The following HTR6 variants were observed in gnomAD, a reference collection of about 807,000 sequenced individuals.
HTR6 encodes the protein 5-hydroxytryptamine receptor 6.
In HTR6, 15 loss-of-function variants were observed where a neutral mutation model predicts 17.4. That is an observed-to-expected ratio of 0.86 (90% CI 0.58 to 1.33). The LOEUF is 1.33. Among genes scored for constraint, HTR6 ranks in the 40% most tolerant of loss-of-function variants. The pLI is 0.00. For synonymous variants in HTR6, 326 were observed against 295.5 expected, an observed-to-expected ratio of 1.10 and a Z score of -1.06; for missense variants, 578 against 616.0, an observed-to-expected ratio of 0.94 and a Z score of 0.65.
chr1:19,678,455 T>C, intron 1 of HTR6, 112 bp from the exon 2 acceptor site: 1 of 1,333,470 alleles, frequency 7.5e-7, no homozygotes. Flanking sequence ...CCCAGTTTAA[T>C]CCTGGCACTA....
intron 1 of HTR6, among the ~76,000 whole-genome samples, chr1:19,673,646 C>T (rs769654979): frequency 2.0e-5 from 3 of 152,052 alleles, no homozygotes; most frequent in East Asian, 3.9e-4. Context: ...TGTGGTGAGC[C>T]GAGATCGCGC....
In HTR6 at chr1:19,679,741, G is replaced by A. The variant is rs532950770; in HGVS notation, c.*373G>A. ...GGGAATGCCCCCACCTGCAGGCATG[G>A]ATTAATGCTGGGCTGAACCCCTTGC... On this transcript the variant is annotated 3_prime_UTR_variant, in exon 3 of 3. Coordinates refer to ENST00000289753, the MANE Select transcript of HTR6 (RefSeq NM_000871.3). This position sits in a 1 kb window ranked among gnomAD's most constrained non-coding sequence, Gnocchi z 4.9. 1.3e-5 allele frequency among the ~76,000 whole-genome samples: 2 copies of A among 152,332 alleles called. No homozygotes were observed. The highest frequency in any genetic ancestry group is 1.3e-4 in the Admixed American group (2 of 15,306).
At position 19,678,721 on chromosome 1, in the gene HTR6, T is replaced by G. The variant is rs201832081; in HGVS notation, c.869T>G (p.Val290Gly). Residue 290 changes from valine (V) to glycine (G), a missense_variant, in exon 2 of 3, where the codon GTC becomes GGC. Coordinates refer to ENST00000289753, the MANE Select transcript of HTR6 (RefSeq NM_000871.3). ...TTGCCCTTCTTTGTGGCCAACATAG[T>G]CCAGGTAATGCCACGGCAGGGGGCA... The part of the protein sequence containing the change: ...TWLPFFVANI[V>G]QAVCDCISPG... The G allele has an allele frequency of 6.2e-7, 1 of 1,607,986 alleles. No individual in the cohort carries two copies. Among genetic ancestry groups the G allele is most frequent in the Non-Finnish European group, 8.5e-7 (1 of 1,175,152 alleles).
intron 1 of HTR6, among the ~76,000 whole-genome samples, chr1:19,669,951 C>T (rs143715585): frequency 8.3e-4 from 127 of 152,188 alleles, no homozygotes; most frequent in Middle Eastern, 6.8e-3. Flanking sequence ...TTCCTGATTC[C>T]GCTCTTCCTC....
At chr1:19,671,379 G>A (rs1053621294) in intron 1 of HTR6, among the ~76,000 whole-genome samples, 8 of 152,168 alleles carry the variant, frequency 5.3e-5, no homozygotes, top group African/African-American at 1.4e-4. Flanking sequence ...TGAACGTGAC[G>A]TGTGCAAATT....
At position 19,665,510 on chromosome 1, in the gene HTR6, C is replaced by T. The variant is rs2095080173; in HGVS notation, c.-244C>T. On this transcript the variant is annotated 5_prime_UTR_variant, in exon 1 of 3. Transcript: ENST00000289753. This position sits in a 1 kb window ranked among gnomAD's most constrained non-coding sequence, Gnocchi z 4.2. ...CCCCAAACTTCCAACCCGTTTGCTC[C>T]AGGAGTTCCTGCCCCATCCCCGAGG... The T allele has an allele frequency of 7.0e-6, 3 of 428,166 alleles. No homozygotes were observed. In the East Asian group the frequency reaches 1.1e-4, roughly 16 times the overall value. 26.5% of individuals were successfully genotyped at this position (428,166 alleles called of 1,614,324 possible).
chr1:19,666,927 G>A lies in HTR6; in HGVS notation c.714+460G>A, dbSNP rs1441607481. The stretch of plus-strand genomic sequence containing the variant: ...TTCTCCTGGCTCCCCTGCTTCTGCC[G>A]CAGACCCAGTACTCTCCATCTTCTG... On this transcript the variant is annotated intron_variant, in intron 1 of 2. Transcript: ENST00000289753. This position sits in a 1 kb window ranked among gnomAD's most constrained non-coding sequence, Gnocchi z 4.5. 2.0e-5 allele frequency among the ~76,000 whole-genome samples: 3 copies of A among 151,762 alleles called. No homozygotes were observed. Among genetic ancestry groups the A allele is most frequent in the Admixed American group, 6.6e-5 (1 of 15,212 alleles).
chr1:19,674,343 T>C (rs1179978716), intron 1 of HTR6, among the ~76,000 whole-genome samples: 1 of 152,170 alleles, frequency 6.6e-6, no homozygotes, highest in Non-Finnish European at 1.5e-5. Context: ...ATTCATTCTT[T>C]TAAAACATCT....
intron 2 of HTR6, 86 bp from the exon 3 acceptor site, chr1:19,678,829 CGTGT>C: frequency 4.0e-6 from 6 of 1,506,926 alleles, no homozygotes; most frequent in East Asian, 4.7e-5. Flanking sequence ...TCTCGTGGTG[CGTGT>C]GTGTGTGTGT....
At chr1:19,671,005 T>G in intron 1 of HTR6, among the ~76,000 whole-genome samples, 1 of 152,174 alleles carries the variant, frequency 6.6e-6, no homozygotes, top group East Asian at 1.9e-4. Context: ...ACACCTGCTT[T>G]GCACAGCAGC....
intron 1 of HTR6, among the ~76,000 whole-genome samples, chr1:19,677,218 T>TTG (rs10582325): frequency 0.023 from 3,478 of 148,534 alleles, 81 homozygotes; most frequent in African/African-American, 0.059. Flanking sequence ...GGGGAGAGGT[T>TTG]TGTGTGTGTG....
intron 1 of HTR6, among the ~76,000 whole-genome samples, chr1:19,670,276 T>C (rs1220096843): frequency 6.6e-6 from 1 of 151,780 alleles, no homozygotes; most frequent in Non-Finnish European, 1.5e-5. Context: ...TTGCCTCCCC[T>C]AATCCCTCTC....
chr1:19,678,771 G>A (rs1345775475), intron 2 of HTR6, 46 bp downstream of exon 2: 1 of 1,581,926 alleles, frequency 6.3e-7, no homozygotes, highest in African/African-American at 1.3e-5. Flanking sequence ...TTGCAGGAGA[G>A]GCCCTGGATC....
In HTR6 at chr1:19,679,867, C is replaced by G. The variant is rs985535630; in HGVS notation, c.*499C>G. ...CCTGCCCAGACCTGCTGAGTCAGAA[C>G]TGCATGTTACCAAGATCCCAGGTGA... On this transcript the variant is annotated 3_prime_UTR_variant, in exon 3 of 3. Coordinates refer to ENST00000289753, the MANE Select transcript of HTR6 (RefSeq NM_000871.3). The surrounding 1 kb of genome is among the most constrained non-coding windows in gnomAD (Gnocchi z 4.9). Among the ~76,000 whole-genome samples the G allele has an allele frequency of 2.6e-5, 4 of 152,230 alleles. No homozygotes were observed. The South Asian group carries it at 8.3e-4, about 32-fold the overall frequency.
At chr1:19,672,281 C>G (rs770629843) in intron 1 of HTR6, among the ~76,000 whole-genome samples, 3 of 152,116 alleles carry the variant, frequency 2.0e-5, no homozygotes, top group Non-Finnish European at 4.4e-5. Context: ...CTTCCCCTCC[C>G]CCTTCTCCTG....
chr1:19,677,059 G>A (rs549700075), intron 1 of HTR6, among the ~76,000 whole-genome samples: 1 of 152,122 alleles, frequency 6.6e-6, no homozygotes, highest in Non-Finnish European at 1.5e-5. Context: ...TTTAGAGGAG[G>A]GCTTCACATC....
At chr1:19,676,218 A>G (rs897936185) in intron 1 of HTR6, among the ~76,000 whole-genome samples, 2 of 152,184 alleles carry the variant, frequency 1.3e-5, no homozygotes, top group African/African-American at 4.8e-5. Context: ...TTTATTATCC[A>G]TAGCTTCACA....
Position 19,679,269 on chromosome 1 carries a change from CCCGCTGCCCACCAGGG to C in HTR6, c.1233_1248del (p.Thr412ProfsTer37). 6.2e-7 allele frequency: 1 copy of C among 1,603,606 alleles called. No homozygotes were observed. Among genetic ancestry groups the C allele is most frequent in the Non-Finnish European group, 8.5e-7 (1 of 1,176,830 alleles). On this transcript the variant is annotated frameshift_variant, in exon 3 of 3. Transcript: ENST00000289753. LOFTEE classifies it low-confidence loss of function (END_TRUNC). The surrounding 1 kb of genome is among the most constrained non-coding windows in gnomAD (Gnocchi z 4.9). ...TTCCTGGCGAGGCCACCCAGGACCCCCCGCTGCCCACCAGGGCCGCTGCCGCCGTCAATTTCTTCAA... is the reference window on the plus strand; with the variant it reads ...TTCCTGGCGAGGCCACCCAGGACCCCCCGCTGCCGCCGTCAATTTCTTCAA...
chr1:19,679,568 T>C lies in HTR6; in HGVS notation c.*200T>C, dbSNP rs915274223. On this transcript the variant is annotated 3_prime_UTR_variant, in exon 3 of 3. Transcript: ENST00000289753. This position sits in a 1 kb window ranked among gnomAD's most constrained non-coding sequence, Gnocchi z 4.9. ...GGGATCATAGCTGACTCAGATATCG[T>C]GTTCTGAAGGATGCTCCACTGTTGA... 3 of 720,260 alleles carry C rather than the reference T, an allele frequency of 4.2e-6. No individual in the cohort carries two copies. Among genetic ancestry groups the C allele is most frequent in the Non-Finnish European group, 6.5e-6 (3 of 460,158 alleles). The allele number at this position is 720,260 out of a possible 1,614,324, so 44.6% of individuals were successfully genotyped here.
Sources: allele counts gnomAD v4.1 joint callset (sites outside exome capture counted in the v4.1 genomes callset), GRCh38; gene constraint gnomAD v4.1.1; non-coding constraint Gnocchi (gnomAD v3.1); transcripts MANE v1.5; gene names NCBI Gene and HGNC (gene_info 2026-07-23, HGNC 2026-07-21).